The following FRMPD1 variants were observed in gnomAD, a reference collection of about 807,000 sequenced individuals.
FRMPD1 encodes the protein FERM and PDZ domain containing 1, also known as FERM and PDZ domain-containing protein 1.
In FRMPD1, 76 loss-of-function variants were observed where a neutral mutation model predicts 117.8. The ratio of observed to expected loss-of-function variants is 0.65; its 90% CI spans 0.54 to 0.78. The LOEUF is 0.78. FRMPD1 is among the 30% of genes least tolerant of loss of function. The probability of loss-of-function intolerance (pLI) is 0.00; values close to 1 mark genes in which losing one functional copy is unlikely to be tolerated. For synonymous variants in FRMPD1, 783 were observed against 770.4 expected (o/e 1.02, Z -0.27); for missense variants, 1,786 against 1,964.5 (o/e 0.91, Z 1.72).
Position 37,745,927 on chromosome 9 carries a change from G to T in FRMPD1, c.3895G>T (p.Ala1299Ser). 6.2e-7 allele frequency: 1 copy of T among 1,614,198 alleles called. No homozygotes were observed. The highest frequency in any genetic ancestry group is 1.1e-5 in the South Asian group (1 of 91,080). ...LSAEKSFLCF[A>S]PESHPEVSAS... ...TGCTGAGAAGTCTTTTCTGTGCTTTGCCCCAGAAAGCCATCCTGAAGTCTC... is the reference window on the plus strand; with the variant it reads ...TGCTGAGAAGTCTTTTCTGTGCTTTTCCCCAGAAAGCCATCCTGAAGTCTC... Residue 1299 changes from alanine to serine, a missense_variant, in exon 16 of 16, where the codon GCC becomes TCC. Coordinates refer to ENST00000377765, the MANE Select transcript of FRMPD1 (RefSeq NM_014907.3).
At chr9:37,719,366 G>A (rs1215162251) in intron 6 of FRMPD1, among the ~76,000 whole-genome samples, 190 bp downstream of exon 6, 1 of 152,196 alleles carries the variant, frequency 6.6e-6, no homozygotes, top group Non-Finnish European at 1.5e-5. Flanking sequence ...TGGGAGCTCT[G>A]GGCCATGGGT....
At position 37,732,577 on chromosome 9, in the gene FRMPD1, C is replaced by A. The variant is rs1823937510; in HGVS notation, c.995+137C>A. ...GTCTTTCCATCCATTTCCCTCTGCACCCTCTCTAATCTGACCTGGCTCCCC... is the reference window on the plus strand; with the variant it reads ...GTCTTTCCATCCATTTCCCTCTGCAACCTCTCTAATCTGACCTGGCTCCCC... On this transcript the variant is annotated intron_variant, in intron 10 of 15. Transcript: ENST00000377765. 3.5e-6 allele frequency: 3 copies of A among 863,410 alleles called. No homozygotes were observed. The Admixed American group carries it at 9.3e-5, about 27-fold the overall frequency. 53.5% of individuals were successfully genotyped at this position (863,410 alleles called of 1,614,324 possible). A position where few individuals can be genotyped will look rare whatever the true frequency, so the allele number is the denominator to read the frequency against.
rs1824633579 is a variant in FRMPD1 at position 37,745,140 on chromosome 9, C to A, written c.3108C>A (p.Val1036=). ...CCAGCAACCCAGGACTAAATAATGT[C>A]TCTCAAGGAGACACACTAGAGCTCC... ...CLASNPGLNN[V]SQGDTLELQL... Residue 1036 remains valine (V), a synonymous_variant, in exon 16 of 16, where the codon GTC becomes GTA. Coordinates refer to ENST00000377765, the MANE Select transcript of FRMPD1 (RefSeq NM_014907.3). The A allele has an allele frequency of 3.1e-6, 5 of 1,614,074 alleles. No individual in the cohort carries two copies. Among genetic ancestry groups the A allele is most frequent in the Middle Eastern group, 1.6e-4 (1 of 6,062 alleles).
chr9:37,663,978 A>G (rs952297392), intron 1 of FRMPD1, among the ~76,000 whole-genome samples: 21 of 152,342 alleles, frequency 1.4e-4, no homozygotes, highest in Middle Eastern at 3.4e-3. Context: ...AGTTTGGTTG[A>G]ATCCACGGAT....
At position 37,667,062 on chromosome 9, in the gene FRMPD1, C is replaced by CTTTTTTTTTTTTTTTT. The variant is rs573955616; in HGVS notation, c.-5+15969_-5+15984dup. Among the ~76,000 whole-genome samples the CTTTTTTTTTTTTTTTT allele has an allele frequency of 2.9e-3, 319 of 110,982 alleles. 38 individuals carry two copies. The highest frequency in any genetic ancestry group is 9.9e-3 in the African/African-American group (250 of 25,278). The allele number at this position is 110,982 out of a possible 152,430, so 72.8% of individuals were successfully genotyped here. A position where few individuals can be genotyped will look rare whatever the true frequency, so the allele number is the denominator to read the frequency against. On this transcript the variant is annotated intron_variant, in intron 1 of 15. Transcript: ENST00000377765. ...GGAAAAGAGAGACAATTGAAGCATG[C>CTTTTTTTTTTTTTTTT]TTTTTTTTTTTTTTTTCCTGAGACA...
intron 2 of FRMPD1, among the ~76,000 whole-genome samples, chr9:37,706,452 G>C (rs1170809597): frequency 6.6e-6 from 1 of 152,174 alleles, no homozygotes; most frequent in East Asian, 1.9e-4. Flanking sequence ...TCCCAAGACA[G>C]CTATTACTCC....
In FRMPD1 at chr9:37,733,467, T is replaced by C; in HGVS notation, c.996-6T>C. ...GGGCCTCCTTGTCTCCAATGTCTCA[T>C]GGCAGGAAAGACTGGGGAATAGAGA... On this transcript the variant is annotated splice_polypyrimidine_tract_variant and splice_region_variant and intron_variant, in intron 10 of 15. Transcript: ENST00000377765. 1 of 1,612,644 alleles carries C rather than the reference T, an allele frequency of 6.2e-7. No homozygotes were observed. The highest frequency in any genetic ancestry group is 8.5e-7 in the Non-Finnish European group (1 of 1,179,482).
intron 7 of FRMPD1, among the ~76,000 whole-genome samples, chr9:37,724,957 A>G (rs1257948421): frequency 6.6e-6 from 1 of 152,226 alleles, no homozygotes; most frequent in Non-Finnish European, 1.5e-5. Flanking sequence ...GGCATGGGAA[A>G]GAAGCTGGAC....
At position 37,746,212 on chromosome 9, in the gene FRMPD1, T is replaced by G; in HGVS notation, c.4180T>G (p.Ser1394Ala). The change falls in exon 16 of 16, where the codon TCG (serine) becomes GCG (alanine). Residue 1394 changes from serine to alanine, a missense_variant. Ser to Ala is a moderately conservative substitution (Grantham distance 99). Coordinates refer to ENST00000377765, the MANE Select transcript of FRMPD1 (RefSeq NM_014907.3). ...CCACAGCTGCACCACCGCACCCCTG[T>G]CGAGGAAAAGCCACATCTGGCCAGA... The part of the protein sequence containing the change: ...RAHSCTTAPL[S>A]RKSHIWPEYC... The G allele has an allele frequency of 6.2e-7, 1 of 1,613,196 alleles. No homozygotes were observed. Among genetic ancestry groups the G allele is most frequent in the Non-Finnish European group, 8.5e-7 (1 of 1,179,926 alleles).
chr9:37,632,331 C>T, the FRMPD1 span, among the ~76,000 whole-genome samples: 1 of 152,108 alleles, frequency 6.6e-6, no homozygotes, highest in African/African-American at 2.4e-5. Context: ...GTGGTGTTTT[C>T]TGTATTAGAG....
intron 1 of FRMPD1, among the ~76,000 whole-genome samples, chr9:37,660,071 G>T (rs1820956737): frequency 6.6e-6 from 1 of 152,038 alleles, no homozygotes; most frequent in South Asian, 2.1e-4. Context: ...GCTGCCCCCA[G>T]GATTCCTGTC....
At chr9:37,736,914 C>T (rs1164892858) in intron 13 of FRMPD1, among the ~76,000 whole-genome samples, 182 bp from the exon 14 acceptor site, 4 of 151,472 alleles carry the variant, frequency 2.6e-5, no homozygotes, top group Admixed American at 6.6e-5. Context: ...GGTGTCTGTA[C>T]GAGTACATGC....
chr9:37,636,605 G>A, the FRMPD1 span: 1 of 1,004,776 alleles, frequency 1.0e-6, no homozygotes, highest in African/African-American at 1.6e-5. Flanking sequence ...TGCCCCAGGA[G>A]AGGAAGAGGG....
intron 1 of FRMPD1, among the ~76,000 whole-genome samples, chr9:37,651,964 C>T (rs1484350101): frequency 2.6e-5 from 4 of 152,180 alleles, no homozygotes; most frequent in South Asian, 2.1e-4. Context: ...ATAAAGGAGG[C>T]ATTTGCAGTT....
rs1202375364 is a variant in FRMPD1, at chr9:37,717,339, A to ATGTGTGTGTG, written c.409-1729_409-1728insGTGTGTGTGT. 2.7e-4 allele frequency among the ~76,000 whole-genome samples: 23 copies of ATGTGTGTGTG among 84,420 alleles called. 1 individual carries two copies. The highest frequency in any genetic ancestry group is 6.5e-4 in the African/African-American group (17 of 26,096). 55.4% of individuals were successfully genotyped at this position (84,420 alleles called of 152,430 possible). A position where few individuals can be genotyped will look rare whatever the true frequency, so the allele number is the denominator to read the frequency against. ...TGTATGTGTGTGTGTGTATGTGTAT[A>ATGTGTGTGTG]TATGTGTGTGTGTGTGTGTGTGTGT... On this transcript the variant is annotated intron_variant, in intron 5 of 15. Transcript: ENST00000377765.
rs1168093863 is a variant in FRMPD1, at chr9:37,735,598, A to G, written c.1265A>G (p.Tyr422Cys). The G allele has an allele frequency of 2.5e-6, 4 of 1,614,006 alleles. No individual in the cohort carries two copies. The highest frequency in any genetic ancestry group is 1.7e-5 in the Admixed American group (1 of 60,024). Residue 422 changes from tyrosine to cysteine, a missense_variant, in exon 13 of 16, where the codon TAT (tyrosine) becomes TGT (cysteine). Physicochemically the swap from Tyr to Cys is radical, Grantham distance 194. Coordinates refer to ENST00000377765, the MANE Select transcript of FRMPD1 (RefSeq NM_014907.3). ...ATTGCCCTTCTAGTTGGAGCCAAGT[A>G]TGGGATTAGCCAGGTTATCAATAGC... ...SYIALLVGAK[Y>C]GISQVINSKL...
At chr9:37,652,162 G>GA (rs1009106781) in intron 1 of FRMPD1, among the ~76,000 whole-genome samples, 78 of 151,246 alleles carry the variant, frequency 5.2e-4, no homozygotes, top group East Asian at 4.1e-3. Flanking sequence ...GGTTGTTTGG[G>GA]AAAAAAAAAT....
At position 37,730,970 on chromosome 9, in the gene FRMPD1, C is replaced by G. The variant is rs1299129294; in HGVS notation, c.739-14C>G. 6.2e-7 allele frequency: 1 copy of G among 1,613,580 alleles called. No individual in the cohort carries two copies. The highest frequency in any genetic ancestry group is 8.5e-7 in the Non-Finnish European group (1 of 1,179,682). On this transcript the variant is annotated splice_polypyrimidine_tract_variant and intron_variant, in intron 8 of 15. Transcript: ENST00000377765. ...CAGTTAGGAGATTAATAGTATCTCC[C>G]TTACCCATCGCAGGTGGTAGAAAGG...
intron 1 of FRMPD1, among the ~76,000 whole-genome samples, chr9:37,678,248 C>A (rs182591173): frequency 1.1e-3 from 133 of 118,660 alleles, no homozygotes; most frequent in Non-Finnish European, 1.7e-3. Flanking sequence ...CTAGTACTTA[C>A]CACTTTTTTT....
Sources: allele counts gnomAD v4.1 joint callset (sites outside exome capture counted in the v4.1 genomes callset), GRCh38; gene constraint gnomAD v4.1.1; transcripts MANE v1.5; gene names NCBI Gene and HGNC (gene_info 2026-07-23, HGNC 2026-07-21).